Variants in PSMG2 observed in about 807,000 individuals in gnomAD.
PSMG2 encodes the protein CD40 ligand-activated specific transcript 3.
A neutral mutation model predicts 31.5 loss-of-function variants in PSMG2; 21 were observed. The ratio of observed to expected loss-of-function variants is 0.67; its 90% confidence interval spans 0.47 to 0.96. The LOEUF is 0.96. Among genes scored for constraint, PSMG2 ranks in the 40% least tolerant of loss-of-function variants. The pLI is 0.00. For synonymous variants in PSMG2, 120 were observed against 110.4 expected (o/e 1.09, Z -0.54); for missense variants, 318 against 321.2 (o/e 0.99, Z 0.08).
Position 12,683,186 on chromosome 18 carries a change from C to CAAAAAAAAAAAAAAAAAAAAAAA in PSMG2, c.-36-23346_-36-23345insAAAAAAAAAAAAAAAAAAAAAAA, listed in dbSNP as rs765652085. 9.1e-4 allele frequency among the ~76,000 whole-genome samples: 58 copies of CAAAAAAAAAAAAAAAAAAAAAAA among 63,656 alleles called. 6 individuals are homozygous for CAAAAAAAAAAAAAAAAAAAAAAA. Among genetic ancestry groups the CAAAAAAAAAAAAAAAAAAAAAAA allele is most frequent in the Non-Finnish European group, 1.3e-3 (42 of 32,430 alleles). 41.8% of individuals were successfully genotyped at this position (63,656 alleles called of 152,430 possible). A position where few individuals can be genotyped will look rare whatever the true frequency, so the allele number is the denominator to read the frequency against. On this transcript the variant is annotated intron_variant, in intron 1 of 6. Coordinates refer to the PSMG2 transcript ENST00000585331. ...GAAACCCCATCTCTACTAAAAATAC[C>CAAAAAAAAAAAAAAAAAAAAAAA]AAAAAAAAAAAAAAAAAAGCCAGGC... is the stretch of plus-strand genomic sequence containing the variant.
chr18:12,720,697 C>A lies in PSMG2; in HGVS notation c.581+14C>A. 1 of 1,601,596 alleles carries A rather than the reference C, an allele frequency of 6.2e-7. No individual in the cohort carries two copies. The highest frequency in any genetic ancestry group is 8.5e-7 in the Non-Finnish European group (1 of 1,174,812). On this transcript the variant is annotated intron_variant, in intron 5 of 6. Coordinates refer to ENST00000317615, the MANE Select transcript of PSMG2 (RefSeq NM_020232.5). ...CTATGATGAAAGGTGAGTTTGTTTG[C>A]CTGTTCATTTGTTTCCCACTTTACT...
At chr18:12,660,667 T>C (rs2038678556) in intron 1 of PSMG2, among the ~76,000 whole-genome samples, 1 of 152,098 alleles carries the variant, frequency 6.6e-6, no homozygotes, top group Admixed American at 6.5e-5. Flanking sequence ...GGATTTTCCT[T>C]GAGTGATGAT....
In PSMG2 at chr18:12,709,094, G is replaced by A. The variant is rs571584914; in HGVS notation, c.229+2373G>A. 3.3e-5 allele frequency among the ~76,000 whole-genome samples: 5 copies of A among 151,742 alleles called. No individual in the cohort carries two copies. The South Asian group carries it at 1.0e-3, about 32-fold the overall frequency. ...ACAGTCTCGCCCTGTTGCCCAGGCT[G>A]GAGTGCAGTGGCACGATCTCGGCCC... On this transcript the variant is annotated intron_variant, in intron 2 of 6. Transcript: ENST00000317615.
chr18:12,682,160 TTC>T (rs2145024172), intron 1 of PSMG2, among the ~76,000 whole-genome samples: 1 of 152,096 alleles, frequency 6.6e-6, no homozygotes, highest in African/African-American at 2.4e-5. Context: ...ATGAAGAAAT[TTC>T]TTTTTTTTTT....
At chr18:12,699,555 A>G (rs2040080279), upstream of PSMG2, among the ~76,000 whole-genome samples, 1 of 152,196 alleles carries the variant, frequency 6.6e-6, no homozygotes, top group East Asian at 1.9e-4. Flanking sequence ...TGTATTTGTC[A>G]ATTATATTAA....
intron 3 of PSMG2, among the ~76,000 whole-genome samples, chr18:12,714,977 G>A (rs2040364197): frequency 6.7e-6 from 1 of 148,160 alleles, no homozygotes; most frequent in African/African-American, 2.5e-5. Context: ...GCCTCCCAAA[G>A]TGCTGGGATT....
intron 1 of PSMG2, among the ~76,000 whole-genome samples, chr18:12,667,187 A>G (rs1034408235): frequency 3.9e-5 from 6 of 152,232 alleles, no homozygotes; most frequent in Non-Finnish European, 5.9e-5. Context: ...TGGGCTGGGC[A>G]TGGTGGCTCA....
chr18:12,671,683 C>T (rs2038951452), intron 1 of PSMG2, among the ~76,000 whole-genome samples: 1 of 120,560 alleles, frequency 8.3e-6, no homozygotes, highest in Non-Finnish European at 1.6e-5. Flanking sequence ...GAGTCTTGCT[C>T]TGTCACCCAG....
intron 1 of PSMG2, chr18:12,673,311 C>T (rs2038995747): frequency 2.3e-5 from 36 of 1,557,826 alleles, no homozygotes; most frequent in Non-Finnish European, 3.1e-5. Context: ...AAGTAATGTA[C>T]AATGTGTAAA....
chr18:12,671,670 A>G (rs2038950666), intron 1 of PSMG2, among the ~76,000 whole-genome samples: 1 of 114,516 alleles, frequency 8.7e-6, no homozygotes, highest in Non-Finnish European at 1.7e-5. Context: ...TTTTTTTGAG[A>G]CAGAGTCTTG....
chr18:12,717,348 AT>A (rs1027541433), intron 3 of PSMG2, among the ~76,000 whole-genome samples: 2 of 152,160 alleles, frequency 1.3e-5, no homozygotes, highest in African/African-American at 4.8e-5. Flanking sequence ...TTGAGTAGTT[AT>A]TTTATGAGCA....
chr18:12,697,166 A>G, intron 1 of PSMG2: 1 of 1,198,654 alleles, frequency 8.3e-7, no homozygotes, highest in Non-Finnish European at 1.2e-6. Flanking sequence ...TATAAAATAT[A>G]TTTACAAATG....
chr18:12,695,464 TA>T (rs1408864140), intron 1 of PSMG2: 4 of 480,498 alleles, frequency 8.3e-6, no homozygotes, highest in Non-Finnish European at 1.5e-5. Context: ...TTACATGGAA[TA>T]AAGATAACAT....
intron 4 of PSMG2, among the ~76,000 whole-genome samples, chr18:12,718,856 C>G (rs558021595): frequency 6.6e-6 from 1 of 151,946 alleles, no homozygotes; most frequent in African/African-American, 2.4e-5. Context: ...GGGAAGACAT[C>G]GTGTAGAGAG....
In PSMG2 at chr18:12,659,719, CTTA is replaced by C. The variant is rs528383437; in HGVS notation, c.-37+951_-37+953del. 2.6e-5 allele frequency among the ~76,000 whole-genome samples: 4 copies of C among 152,126 alleles called. No individual in the cohort carries two copies. The East Asian group carries it at 7.7e-4, about 29-fold the overall frequency. On this transcript the variant is annotated intron_variant, in intron 1 of 6. Coordinates refer to the PSMG2 transcript ENST00000585331. ...GAGGAGAAGAAAGCTCCCCAGGCAA[CTTA>C]TTATAATTTCAGTACGAGAGAGACA...
At chr18:12,684,033 AT>A (rs933944923) in intron 1 of PSMG2, among the ~76,000 whole-genome samples, 14 of 149,220 alleles carry the variant, frequency 9.4e-5, no homozygotes, top group African/African-American at 2.7e-4. Context: ...ATATATATGT[AT>A]TTTTTTTTGA....
intron 1 of PSMG2, among the ~76,000 whole-genome samples, chr18:12,663,701 A>T (rs992128534): frequency 6.6e-6 from 1 of 152,188 alleles, no homozygotes; most frequent in African/African-American, 2.4e-5. Context: ...ACTGAATCAC[A>T]CTTTGCTGAT....
At chr18:12,715,208 C>T (rs1030673254) in intron 3 of PSMG2, among the ~76,000 whole-genome samples, 2 of 151,794 alleles carry the variant, frequency 1.3e-5, no homozygotes, top group African/African-American at 4.8e-5. Flanking sequence ...GGGGTTTCAC[C>T]ATGTTGGCCA....
chr18:12,677,351 T>C (rs1388852089), intron 1 of PSMG2, among the ~76,000 whole-genome samples: 1 of 149,932 alleles, frequency 6.7e-6, no homozygotes, highest in Non-Finnish European at 1.5e-5. Context: ...GGCAGGAGAA[T>C]TGCTTAAACC....
Sources: allele counts gnomAD v4.1 joint callset (sites outside exome capture counted in the v4.1 genomes callset), GRCh38; gene constraint gnomAD v4.1.1; transcripts MANE v1.5; gene names NCBI Gene and HGNC (gene_info 2026-07-23, HGNC 2026-07-21).